The following EMILIN2 variants were observed in gnomAD, a reference collection of about 807,000 sequenced individuals.
EMILIN2 encodes EMILIN-2.
Under a neutral mutation model 87.1 loss-of-function variants are expected in EMILIN2, and 71 were observed. The ratio of observed to expected loss-of-function variants is 0.82; its 90% CI spans 0.67 to 0.99. The LOEUF (loss-of-function observed/expected upper bound fraction) is 0.99, where lower values mean the gene tolerates loss of function less well. EMILIN2 is among the 50% of genes least tolerant of loss of function. The pLI, the probability that EMILIN2 is intolerant of heterozygous loss-of-function variation, is 0.00. For synonymous variants in EMILIN2, 581 were observed against 563.4 expected, an observed-to-expected ratio of 1.03 and a Z score of -0.44; for missense variants, 1,407 against 1,371.8, an observed-to-expected ratio of 1.03 and a Z score of -0.40.
At chr18:2,907,143 G>C (rs1237708205) in intron 5 of EMILIN2, 58 bp downstream of exon 5, 2 of 1,226,274 alleles carry the variant, frequency 1.6e-6, no homozygotes, top group Non-Finnish European at 2.0e-6. Flanking sequence ...TTCCGCCTGA[G>C]CCTCGGGGTC....
intron 2 of EMILIN2, among the ~76,000 whole-genome samples, chr18:2,859,391 C>T (rs2076649640): frequency 6.6e-6 from 1 of 152,014 alleles, no homozygotes; most frequent in Non-Finnish European, 1.5e-5. Context: ...CCATTCATGT[C>T]CTTAGCCTAC....
intron 2 of EMILIN2, among the ~76,000 whole-genome samples, chr18:2,851,717 A>G (rs768479606): frequency 9.9e-5 from 15 of 152,186 alleles, no homozygotes; most frequent in African/African-American, 3.6e-4. Flanking sequence ...GTGAATTTGA[A>G]TATTGTTATG....
At chr18:2,907,566 G>A (rs567351258) in intron 5 of EMILIN2, among the ~76,000 whole-genome samples, 2 of 152,356 alleles carry the variant, frequency 1.3e-5, no homozygotes, top group South Asian at 4.1e-4. Context: ...TTACTGTGAG[G>A]ATGGAGAAAA....
rs978827217 is a variant in EMILIN2, at chr18:2,880,639, C to T, written c.258-4325C>T. 6.6e-6 allele frequency among the ~76,000 whole-genome samples: 1 copy of T among 152,232 alleles called. No individual in the cohort carries two copies. The highest frequency in any genetic ancestry group is 1.5e-5 in the Non-Finnish European group (1 of 68,032). On this transcript the variant is annotated intron_variant, in intron 2 of 7. Coordinates refer to ENST00000254528, the MANE Select transcript of EMILIN2 (RefSeq NM_032048.3). This position sits in a 1 kb window ranked among gnomAD's most constrained non-coding sequence, Gnocchi z 4.1. ...GCGCAGCCCCGCCGCCTTAACTTTT[C>T]CTCTGGCTGCGGGTCCCTCGGCTTG...
At position 2,847,337 on chromosome 18, in the gene EMILIN2, C is replaced by G. The variant is rs2076580017; in HGVS notation, c.134+15C>G. 2.3e-6 allele frequency: 3 copies of G among 1,308,084 alleles called. No homozygotes were observed. The highest frequency in any genetic ancestry group is 2.9e-6 in the Non-Finnish European group (3 of 1,031,560). The allele number at this position is 1,308,084 out of a possible 1,614,324, so 81.0% of individuals were successfully genotyped here. A position where few individuals can be genotyped will look rare whatever the true frequency, so the allele number is the denominator to read the frequency against. ...GCCAGGAACAAGTAAGTGCGCGCCC[C>G]TTGGCTGGCCCCAAACCGCCTACCC... is the stretch of plus-strand genomic sequence containing the variant. On this transcript the variant is annotated intron_variant, in intron 1 of 7. Transcript: ENST00000254528. This position sits in a 1 kb window ranked among gnomAD's most constrained non-coding sequence, Gnocchi z 4.5.
At position 2,890,779 on chromosome 18, in the gene EMILIN2, G is replaced by A. The variant is rs760175396; in HGVS notation, c.652G>A (p.Asp218Asn). The A allele has an allele frequency of 2.5e-6, 4 of 1,613,748 alleles. No individual in the cohort carries two copies. Among genetic ancestry groups the A allele is most frequent in the East Asian group, 2.2e-5 (1 of 44,858 alleles). ...TGAAAATCTCAAACATGCCACTCAG[G>A]ATGATGCCAGTAGAACACGGGCACC... ...VSENLKHATQ[D>N]DASRTRAPGL... The change falls in exon 4 of 8, where the codon GAT (aspartate) becomes AAT (asparagine). Residue 218 changes from aspartate (D) to asparagine (N), a missense_variant. By Grantham distance (23) the Asp-to-Asn change is conservative (BLOSUM62 1). Coordinates refer to ENST00000254528, the MANE Select transcript of EMILIN2 (RefSeq NM_032048.3). This position sits in a 1 kb window ranked among gnomAD's most constrained non-coding sequence, Gnocchi z 4.7.
intron 2 of EMILIN2, among the ~76,000 whole-genome samples, chr18:2,858,316 C>T (rs1186899245): frequency 1.3e-5 from 2 of 150,876 alleles, no homozygotes; most frequent in African/African-American, 4.9e-5. Flanking sequence ...ACCCACTTCC[C>T]ATCCTTTTCC....
chr18:2,870,856 T>C (rs1455064640), intron 2 of EMILIN2, among the ~76,000 whole-genome samples: 1 of 152,200 alleles, frequency 6.6e-6, no homozygotes, highest in East Asian at 1.9e-4. Flanking sequence ...TCTCCATGGC[T>C]TGTAGATGTC....
At chr18:2,867,544 T>C (rs1288167222) in intron 2 of EMILIN2, among the ~76,000 whole-genome samples, 2 of 152,124 alleles carry the variant, frequency 1.3e-5, no homozygotes, top group African/African-American at 4.8e-5. Context: ...TAGGGAGTGG[T>C]GATGACTCTC....
Position 2,847,200 on chromosome 18 carries a change from C to A in EMILIN2, c.12C>A (p.Pro4=). 8.3e-7 allele frequency: 1 copy of A among 1,197,786 alleles called. No homozygotes were observed. The highest frequency in any genetic ancestry group is 3.2e-5 in the South Asian group (1 of 30,848). The allele number at this position is 1,197,786 out of a possible 1,614,324, so 74.2% of individuals were successfully genotyped here. A position where few individuals can be genotyped will look rare whatever the true frequency, so the allele number is the denominator to read the frequency against. The part of the protein sequence containing the change: MWQ[P]RRPWPRVPWR... The stretch of plus-strand genomic sequence containing the variant: ...CCGCTGCGCGCGGGATGTGGCAGCC[C>A]AGACGGCCCTGGCCCCGCGTGCCCT... Residue 4 remains proline, a synonymous_variant, in exon 1 of 8, where the codon CCC becomes CCA. Transcript: ENST00000254528. The surrounding 1 kb of genome is among the most constrained non-coding windows in gnomAD (Gnocchi z 4.5).
At position 2,915,648 on chromosome 18, in the gene EMILIN2, G is replaced by C. The variant is rs1439349262; in HGVS notation, c.*2244G>C. ...AGCAATTCTCCTACCTCAGCCTCCC[G>C]AGTAGCGGGGACTACAGGTGCATGC... On this transcript the variant is annotated 3_prime_UTR_variant, in exon 8 of 8. Transcript: ENST00000254528. The C allele has an allele frequency of 6.6e-6, 1 of 152,150 alleles. No homozygotes were observed. Among genetic ancestry groups the C allele is most frequent in the African/African-American group, 2.4e-5 (1 of 41,310 alleles). 9.4% of individuals were successfully genotyped at this position (152,150 alleles called of 1,614,324 possible). A position where few individuals can be genotyped will look rare whatever the true frequency, so the allele number is the denominator to read the frequency against.
chr18:2,904,685 C>G (rs1430550771), intron 4 of EMILIN2, among the ~76,000 whole-genome samples: 1 of 152,190 alleles, frequency 6.6e-6, no homozygotes, highest in South Asian at 2.1e-4. Context: ...TGTTTATTTT[C>G]TTGCACTGTG....
At chr18:2,873,596 A>G (rs1426606922) in intron 2 of EMILIN2, among the ~76,000 whole-genome samples, 6 of 150,992 alleles carry the variant, frequency 4.0e-5, no homozygotes, top group Admixed American at 4.0e-4. Context: ...AGTCCCAGCT[A>G]CTCGGGAGGC....
intron 4 of EMILIN2, among the ~76,000 whole-genome samples, chr18:2,900,398 G>C (rs368190977): frequency 6.6e-6 from 1 of 152,120 alleles, no homozygotes; most frequent in Admixed American, 6.5e-5. Context: ...TATGTTGAAA[G>C]GCTGGTCTTG....
Position 2,906,642 on chromosome 18 carries a change from C to T in EMILIN2, c.2360-141C>T, listed in dbSNP as rs913561958. ...GATGCGGGCGGACGCCCGTGTGTCC[C>T]GCTGGCCTGACGTCGCAGGGGTGGC... is the stretch of plus-strand genomic sequence containing the variant. On this transcript the variant is annotated intron_variant, in intron 4 of 7. Transcript: ENST00000254528. 8 of 650,662 alleles carry T rather than the reference C, an allele frequency of 1.2e-5. No homozygotes were observed. The Admixed American group carries it at 1.4e-4, about 11-fold the overall frequency. 40.3% of individuals were successfully genotyped at this position (650,662 alleles called of 1,614,324 possible).
In EMILIN2 at chr18:2,862,661, G is replaced by A. The variant is rs562682189; in HGVS notation, c.257+14730G>A. Among the ~76,000 whole-genome samples, 3 of 152,292 alleles carry A rather than the reference G, an allele frequency of 2.0e-5. No individual in the cohort carries two copies. The South Asian group carries it at 6.2e-4, about 32-fold the overall frequency. ...CGATTTTTGCATCGATGTTCATCAG[G>A]GATATTGGTCTAAAATTCTCTTTTT... On this transcript the variant is annotated intron_variant, in intron 2 of 7. Coordinates refer to ENST00000254528, the MANE Select transcript of EMILIN2 (RefSeq NM_032048.3).
In EMILIN2 at chr18:2,913,817, C is replaced by T. The variant is rs913998178; in HGVS notation, c.*413C>T. The T allele has an allele frequency of 1.7e-5, 3 of 175,924 alleles. No homozygotes were observed. Among genetic ancestry groups the T allele is most frequent in the African/African-American group, 7.2e-5 (3 of 41,818 alleles). 10.9% of individuals were successfully genotyped at this position (175,924 alleles called of 1,614,324 possible). A position where few individuals can be genotyped will look rare whatever the true frequency, so the allele number is the denominator to read the frequency against. ...CTGTGGCCAGCTGTCTGTCTTTACA[C>T]TGCATGCAGAAGTTTAAACACTGAA... is the stretch of plus-strand genomic sequence containing the variant. On this transcript the variant is annotated 3_prime_UTR_variant, in exon 8 of 8. Coordinates refer to ENST00000254528, the MANE Select transcript of EMILIN2 (RefSeq NM_032048.3).
intron 2 of EMILIN2, among the ~76,000 whole-genome samples, chr18:2,851,972 G>A (rs146752275): frequency 1.6e-4 from 25 of 152,252 alleles, no homozygotes; most frequent in East Asian, 1.2e-3. Context: ...CCACTGAGCC[G>A]CCTGCTAATC....
intron 4 of EMILIN2, among the ~76,000 whole-genome samples, chr18:2,905,339 A>G (rs2076905343): frequency 1.4e-5 from 2 of 145,184 alleles, no homozygotes; most frequent in Non-Finnish European, 1.5e-5. Context: ...TATTTATCTT[A>G]GTTTTATTTT....
Sources: gnomAD v4.1 joint callset for allele counts (sites outside exome capture counted in the v4.1 genomes callset) on GRCh38, gnomAD v4.1.1 for gene constraint, Gnocchi (gnomAD v3.1) non-coding constraint, MANE v1.5 for transcripts, NCBI Gene and HGNC (gene_info 2026-07-23, HGNC 2026-07-21) for gene names.